GUCD1: variants seen among roughly 807,000 people sequenced by gnomAD.
The protein encoded by GUCD1 is guanylyl cyclase domain containing 1.
Under a neutral mutation model 28.3 loss-of-function variants are expected in GUCD1, and 17 were observed. The ratio of observed to expected loss-of-function variants is 0.60; its 90% CI spans 0.41 to 0.90. The LOEUF is 0.90. Ranked by LOEUF, GUCD1 falls within the 40% of genes least tolerant of loss-of-function variation. The pLI is 0.00. For synonymous variants in GUCD1, 129 were observed against 123.3 expected, an observed-to-expected ratio of 1.05 and a Z score of -0.30; for missense variants, 279 against 305.5, an observed-to-expected ratio of 0.91 and a Z score of 0.65.
chr22:24,544,455 T>C (rs549088116), intron 4 of GUCD1, among the ~76,000 whole-genome samples: 1 of 152,162 alleles, frequency 6.6e-6, no homozygotes, highest in South Asian at 2.1e-4. Flanking sequence ...GTCTCTCCTC[T>C]ACCCTAAATC....
chr22:24,551,332 G>C (rs2044866763), intron 1 of GUCD1, among the ~76,000 whole-genome samples: 1 of 152,186 alleles, frequency 6.6e-6, no homozygotes, highest in Non-Finnish European at 1.5e-5. Flanking sequence ...CAAGGATTCA[G>C]TGGCACTGAC....
In GUCD1 at chr22:24,555,022, C is replaced by G. The variant is rs948786189; in HGVS notation, c.-31G>C. 8 of 1,455,772 alleles carry G rather than the reference C, an allele frequency of 5.5e-6. No homozygotes were observed. The highest frequency in any genetic ancestry group is 7.2e-6 in the Non-Finnish European group (8 of 1,107,230). The allele number at this position is 1,455,772 out of a possible 1,614,324, so 90.2% of individuals were successfully genotyped here. On this transcript the variant is annotated 5_prime_UTR_variant, in exon 1 of 6. Coordinates refer to ENST00000435822, the MANE Select transcript of GUCD1 (RefSeq NM_001284254.2). ...GGGCGGCGCGGGGCGCCCATGGCCC[C>G]GGCCCAGAGCGGGCTACAGCTTCCG...
chr22:24,555,157 C>T (rs1201728838), upstream of GUCD1: 1 of 1,312,298 alleles, frequency 7.6e-7, no homozygotes, highest in South Asian at 2.2e-5. Context: ...CCAAGCGCCG[C>T]CCCAGCCCTT....
chr22:24,544,118 G>A, intron 4 of GUCD1, 35 bp from the exon 5 acceptor site: 1 of 1,594,958 alleles, frequency 6.3e-7, no homozygotes, highest in Non-Finnish European at 8.6e-7. Context: ...GGTGCTGCTG[G>A]GCCCCCATTC....
chr22:24,551,735 A>G (rs1222890209), intron 1 of GUCD1, among the ~76,000 whole-genome samples: 3 of 152,196 alleles, frequency 2.0e-5, no homozygotes, highest in Admixed American at 6.5e-5. Flanking sequence ...CGTTTCCTTC[A>G]CAGTGCTTGG....
At chr22:24,553,632 T>C (rs1407293892) in intron 1 of GUCD1, among the ~76,000 whole-genome samples, 1 of 152,242 alleles carries the variant, frequency 6.6e-6, no homozygotes, top group Non-Finnish European at 1.5e-5. Context: ...TGGCTTGGGC[T>C]GTGACACTGA....
intron 1 of GUCD1, among the ~76,000 whole-genome samples, chr22:24,549,454 T>G (rs538721164): frequency 6.6e-6 from 1 of 152,226 alleles, no homozygotes; most frequent in South Asian, 2.1e-4. Flanking sequence ...GTGCATTCAC[T>G]TCCCACCATG....
chr22:24,548,108 C>T (rs2044778212), intron 2 of GUCD1, 35 bp from the exon 3 acceptor site: 1 of 1,596,834 alleles, frequency 6.3e-7, no homozygotes, highest in African/African-American at 1.3e-5. Context: ...TCAGCTTGGT[C>T]TTGAGGGTCA....
At position 24,544,068 on chromosome 22, in the gene GUCD1, C is replaced by G; in HGVS notation, c.402G>C (p.Lys134Asn). 6.2e-7 allele frequency: 1 copy of G among 1,611,682 alleles called. No homozygotes were observed. Among genetic ancestry groups the G allele is most frequent in the Non-Finnish European group, 8.5e-7 (1 of 1,178,284 alleles). Residue 134 changes from lysine to asparagine, a missense_variant, in exon 5 of 6, where the codon AAG becomes AAC. By Grantham distance (94) the Lys-to-Asn change is moderately conservative (BLOSUM62 0). Coordinates refer to ENST00000435822, the MANE Select transcript of GUCD1 (RefSeq NM_001284254.2). ...CCTGAGCCAGGTGCGCCTGGATGTC[C>G]TTCACACTCACTGTGCTGTGGGCGG... The part of the protein sequence containing the change: ...VLVEKCTVSV[K>N]DIQAHLAQGH...
chr22:24,548,653 A>T (rs2044791765), intron 2 of GUCD1, among the ~76,000 whole-genome samples: 1 of 152,266 alleles, frequency 6.6e-6, no homozygotes, highest in Non-Finnish European at 1.5e-5. Flanking sequence ...CAGTCACAGA[A>T]CTGCCTTGTA....
upstream of GUCD1, chr22:24,555,270 G>A (rs998398893): frequency 2.9e-5 from 39 of 1,343,332 alleles, no homozygotes; most frequent in African/African-American, 6.0e-5. Context: ...CCGGCCATTC[G>A]CCGCCTCAGC....
At chr22:24,551,668 G>C (rs535782507) in intron 1 of GUCD1, among the ~76,000 whole-genome samples, 1 of 150,422 alleles carries the variant, frequency 6.6e-6, no homozygotes, top group South Asian at 2.1e-4. Flanking sequence ...TCTTCTTAGA[G>C]GTTTTTCTGA....
In GUCD1 at chr22:24,554,956, G is replaced by T; in HGVS notation, c.36C>A (p.Leu12=). ...RTEAEAAGPP[L]EPGDFVQLPV... is the part of the protein sequence containing the mutation. ...CCACAGAGAGGCACTGACCGGGCTC[G>T]AGCGGCGGCCCCGCTGCCTCCGCCT... Residue 12 remains leucine (L), a synonymous_variant, in exon 1 of 6, where the codon CTC becomes CTA. Coordinates refer to ENST00000435822, the MANE Select transcript of GUCD1 (RefSeq NM_001284254.2). 2 of 1,569,480 alleles carry T rather than the reference G, an allele frequency of 1.3e-6. No homozygotes were observed. The highest frequency in any genetic ancestry group is 1.7e-6 in the Non-Finnish European group (2 of 1,160,678).
intron 1 of GUCD1, among the ~76,000 whole-genome samples, chr22:24,549,393 C>A (rs16978651): frequency 0.13 from 20,189 of 152,174 alleles, 1,412 homozygotes; most frequent in South Asian, 0.23. Flanking sequence ...AACTCCTGCC[C>A]TTGGATGTCA....
chr22:24,554,889 G>A, intron 1 of GUCD1, 60 bp downstream of exon 1: 1 of 1,363,976 alleles, frequency 7.3e-7, no homozygotes, highest in Non-Finnish European at 1.0e-6. Context: ...CCTGCCCCGC[G>A]CTAGGGAGGG....
At chr22:24,555,743 G>T, upstream of GUCD1, 1 of 1,550,664 alleles carries the variant, frequency 6.4e-7, no homozygotes, top group Non-Finnish European at 8.7e-7. Context: ...TGTCCTTGGT[G>T]TGGGGTGCTT....
At chr22:24,545,937 C>T (rs887989035) in intron 4 of GUCD1, among the ~76,000 whole-genome samples, 1 of 149,834 alleles carries the variant, frequency 6.7e-6, no homozygotes, top group Admixed American at 6.7e-5. Context: ...TGGAAAATGT[C>T]CCACATCCTG....
chr22:24,552,042 T>C (rs1467802032), intron 1 of GUCD1, among the ~76,000 whole-genome samples: 1 of 152,232 alleles, frequency 6.6e-6, no homozygotes, highest in Non-Finnish European at 1.5e-5. Flanking sequence ...AAAAGCAGTG[T>C]TCATGCCCTT....
At chr22:24,552,624 T>C (rs1180443387) in intron 1 of GUCD1, among the ~76,000 whole-genome samples, 3 of 151,830 alleles carry the variant, frequency 2.0e-5, no homozygotes, top group East Asian at 3.9e-4. Flanking sequence ...ATACAAACAT[T>C]AGCCGGGCAG....
Sources: allele counts gnomAD v4.1 joint callset (sites outside exome capture counted in the v4.1 genomes callset), GRCh38; gene constraint gnomAD v4.1.1; transcripts MANE v1.5; gene names NCBI Gene and HGNC (gene_info 2026-07-23, HGNC 2026-07-21).